Variants in UBE4B observed in about 807,000 individuals in gnomAD.
UBE4B encodes the protein ubiquitination factor E4B.
A neutral mutation model predicts 148.1 loss-of-function variants in UBE4B; 27 were observed. The observed-to-expected ratio is 0.18, with a 90% CI of 0.13 to 0.25. UBE4B has a LOEUF of 0.25. Among genes scored for constraint, UBE4B ranks in the 10% least tolerant of loss-of-function variants. The pLI is 1.00. For synonymous variants in UBE4B, 596 were observed against 619.3 expected, an observed-to-expected ratio of 0.96 and a Z score of 0.56; for missense variants, 1,170 against 1,662.4, an observed-to-expected ratio of 0.70 and a Z score of 5.15.
At chr1:10,138,371 A>G (rs1645729875) in intron 17 of UBE4B, among the ~76,000 whole-genome samples, 1 of 151,996 alleles carries the variant, frequency 6.6e-6, no homozygotes, top group South Asian at 2.1e-4. Flanking sequence ...TGCTGGAATT[A>G]CAGGCGTGAG....
intron 14 of UBE4B, 110 bp downstream of exon 14, chr1:10,130,923 C>T: frequency 1.1e-6 from 1 of 878,900 alleles, no homozygotes; most frequent in Non-Finnish European, 1.8e-6. Flanking sequence ...CTAACAAAAG[C>T]CAATTCGATC....
chr1:10,169,963 C>T (rs988419922), intron 24 of UBE4B, among the ~76,000 whole-genome samples: 3 of 152,100 alleles, frequency 2.0e-5, no homozygotes, highest in Admixed American at 6.6e-5. Context: ...CGCAGTGAGC[C>T]GAGATCACGC....
chr1:10,167,080 C>T (rs1275494407), intron 23 of UBE4B, among the ~76,000 whole-genome samples: 1 of 151,408 alleles, frequency 6.6e-6, no homozygotes, highest in Non-Finnish European at 1.5e-5. Flanking sequence ...TACAGTGAGC[C>T]GAGATTGTGC....
At chr1:10,147,498 A>C (rs1468255950) in intron 19 of UBE4B, among the ~76,000 whole-genome samples, 6 of 151,474 alleles carry the variant, frequency 4.0e-5, no homozygotes, top group African/African-American at 4.9e-5. Flanking sequence ...GTCCCCACCC[A>C]AAAAAAAAGA....
chr1:10,065,850 T>C (rs1217616648), intron 1 of UBE4B, among the ~76,000 whole-genome samples: 1 of 152,214 alleles, frequency 6.6e-6, no homozygotes, highest in Non-Finnish European at 1.5e-5. Context: ...TAATGTTCAT[T>C]ATAATGTAAA....
chr1:10,037,928 C>T (rs1322851066), intron 1 of UBE4B, among the ~76,000 whole-genome samples: 1 of 152,146 alleles, frequency 6.6e-6, no homozygotes, highest in Non-Finnish European at 1.5e-5. Flanking sequence ...CCTAACTCTT[C>T]TTTATGACCT....
intron 10 of UBE4B, among the ~76,000 whole-genome samples, chr1:10,125,658 T>C (rs898443862): frequency 2.6e-5 from 4 of 152,258 alleles, no homozygotes; most frequent in African/African-American, 7.2e-5. Flanking sequence ...AACATTTCTA[T>C]TTAATGTTAT....
At chr1:10,170,620 G>A (rs1209826683) in intron 24 of UBE4B, among the ~76,000 whole-genome samples, 1 of 152,124 alleles carries the variant, frequency 6.6e-6, no homozygotes, top group Non-Finnish European at 1.5e-5. Context: ...ACTATTCAAG[G>A]CATAACTTTT....
At chr1:10,101,225 G>A (rs1210628244) in intron 4 of UBE4B, 30 bp downstream of exon 4, 4 of 1,604,450 alleles carry the variant, frequency 2.5e-6, no homozygotes, top group East Asian at 2.2e-5. Context: ...CTTGGTACAG[G>A]TAATAGAAAT....
intron 1 of UBE4B, among the ~76,000 whole-genome samples, 197 bp from the exon 2 acceptor site, chr1:10,071,830 CA>C (rs1011148094): frequency 2.1e-4 from 32 of 152,166 alleles, no homozygotes; most frequent in African/African-American, 6.7e-4. Context: ...TGAACCTGGC[CA>C]AAATACAGTT....
chr1:10,125,967 C>T (rs183218407), intron 10 of UBE4B, among the ~76,000 whole-genome samples: 233 of 152,232 alleles, frequency 1.5e-3, no homozygotes, highest in African/African-American at 4.9e-3. Flanking sequence ...GCCTGTTTAT[C>T]TTGTTTTCCT....
intron 21 of UBE4B, among the ~76,000 whole-genome samples, chr1:10,154,279 C>T (rs956442167): frequency 3.3e-5 from 5 of 150,020 alleles, no homozygotes; most frequent in South Asian, 2.1e-4. Context: ...CAAAATTAGC[C>T]GGGTGACGCA....
chr1:10,158,899 A>G (rs191470811), intron 22 of UBE4B, among the ~76,000 whole-genome samples: 1 of 151,740 alleles, frequency 6.6e-6, no homozygotes, highest in African/African-American at 2.4e-5. Flanking sequence ...TATCCTAGCT[A>G]CTTGGGAAGC....
chr1:10,177,317 C>T lies in UBE4B; in HGVS notation c.3526-1327C>T, dbSNP rs370316464. 7.2e-5 allele frequency among the ~76,000 whole-genome samples: 11 copies of T among 151,764 alleles called. No individual in the cohort carries two copies. In the East Asian group the frequency reaches 2.2e-3, roughly 30 times the overall value. Reference sequence around the variant, plus strand: ...GGCAGATCACTTGAGGTCAGGAGATCGAGACCAGCCTGGCCAACATGGCAA... The same window carrying T: ...GGCAGATCACTTGAGGTCAGGAGATTGAGACCAGCCTGGCCAACATGGCAA... On this transcript the variant is annotated intron_variant, in intron 25 of 27. Transcript: ENST00000343090.
At chr1:10,098,640 A>G (rs941626497) in intron 3 of UBE4B, among the ~76,000 whole-genome samples, 2 of 152,226 alleles carry the variant, frequency 1.3e-5, no homozygotes, top group Admixed American at 1.3e-4. Flanking sequence ...AAGATGGAGT[A>G]AGGATGCTTC....
chr1:10,178,940 A>G, intron 26 of UBE4B, 122 bp downstream of exon 26: 3 of 1,059,618 alleles, frequency 2.8e-6, no homozygotes, highest in Non-Finnish European at 3.9e-6. Flanking sequence ...TTTTTGAGAC[A>G]ATCTGTCTTA....
At chr1:10,044,875 G>A (rs1643882408) in intron 1 of UBE4B, among the ~76,000 whole-genome samples, 1 of 152,140 alleles carries the variant, frequency 6.6e-6, no homozygotes, top group South Asian at 2.1e-4. Flanking sequence ...GAGCCACCGC[G>A]CCTGGCCTGT....
At chr1:10,132,230 T>C in intron 14 of UBE4B, 139 bp from the exon 15 acceptor site, 2 of 622,150 alleles carry the variant, frequency 3.2e-6, no homozygotes, top group Non-Finnish European at 2.8e-6. Context: ...TCTTATATTC[T>C]TTCACTCAGG....
chr1:10,153,397 G>C (rs1646010243), intron 21 of UBE4B, among the ~76,000 whole-genome samples: 1 of 150,616 alleles, frequency 6.6e-6, no homozygotes, highest in African/African-American at 2.5e-5. Flanking sequence ...GGCAGAGGTG[G>C]GAGGAAGGCT....
Sources: gnomAD v4.1 joint callset for allele counts (sites outside exome capture counted in the v4.1 genomes callset) on GRCh38, gnomAD v4.1.1 for gene constraint, MANE v1.5 for transcripts, NCBI Gene and HGNC (gene_info 2026-07-23, HGNC 2026-07-21) for gene names.